Variants in NFATC2 observed in about 807,000 individuals in gnomAD.
NFATC2 encodes the protein nuclear factor of activated T cells 2, also known as nuclear factor of activated T-cells, cytoplasmic 2.
NFATC2 carries 22 observed loss-of-function variants against 87.3 expected under a neutral mutation model. The observed-to-expected ratio is 0.25, with a 90% CI of 0.18 to 0.36. The LOEUF (loss-of-function observed/expected upper bound fraction) is 0.36, where lower values mean the gene tolerates loss of function less well. NFATC2 is among the 10% of genes least tolerant of loss of function. The pLI, the probability that NFATC2 is intolerant of heterozygous loss-of-function variation, is 1.00. For synonymous variants in NFATC2, 565 were observed against 542.2 expected, an observed-to-expected ratio of 1.04 and a Z score of -0.58; for missense variants, 1,149 against 1,259.1, an observed-to-expected ratio of 0.91 and a Z score of 1.32.
chr20:51,471,463 T>C (rs1288112322), intron 5 of NFATC2, among the ~76,000 whole-genome samples: 2 of 152,216 alleles, frequency 1.3e-5, no homozygotes, highest in Non-Finnish European at 2.9e-5. Context: ...ATATTTCTAG[T>C]AATGGGGTTT....
intron 1 of NFATC2, among the ~76,000 whole-genome samples, chr20:51,549,174 A>G (rs747467684): frequency 6.6e-6 from 1 of 152,170 alleles, no homozygotes; most frequent in Non-Finnish European, 1.5e-5. Context: ...TCTCCAAAAC[A>G]AGGAGTGAGA....
At chr20:51,512,399 C>T (rs1301974331) in intron 3 of NFATC2, among the ~76,000 whole-genome samples, 3 of 152,158 alleles carry the variant, frequency 2.0e-5, no homozygotes, top group Non-Finnish European at 2.9e-5. Context: ...TCCACTTTCC[C>T]GCAGCCCCTG....
At chr20:51,420,296 C>A (rs566380245) in intron 9 of NFATC2, among the ~76,000 whole-genome samples, 3 of 152,186 alleles carry the variant, frequency 2.0e-5, no homozygotes, top group Non-Finnish European at 4.4e-5. Flanking sequence ...CTGACTATCA[C>A]CAAAAGACAG....
chr20:51,466,933 A>T (rs940771857), intron 5 of NFATC2, among the ~76,000 whole-genome samples: 1 of 151,930 alleles, frequency 6.6e-6, no homozygotes, highest in East Asian at 1.9e-4. Context: ...TTAGCTGGGC[A>T]TGGTGGCAGT....
intron 5 of NFATC2, among the ~76,000 whole-genome samples, chr20:51,472,342 A>C (rs893296631): frequency 6.6e-6 from 1 of 152,204 alleles, no homozygotes; most frequent in African/African-American, 2.4e-5. Context: ...GAGTAGCAGC[A>C]GCGCATTTAG....
intron 3 of NFATC2, among the ~76,000 whole-genome samples, chr20:51,479,519 C>T (rs1204402475): frequency 1.3e-5 from 2 of 152,164 alleles, no homozygotes; most frequent in Non-Finnish European, 2.9e-5. Flanking sequence ...CTTTGTGGGG[C>T]TGAAGCGAGA....
intron 9 of NFATC2, among the ~76,000 whole-genome samples, chr20:51,431,421 TCA>T (rs368717389): frequency 1.3e-5 from 2 of 152,116 alleles, no homozygotes; most frequent in Non-Finnish European, 2.9e-5. Flanking sequence ...ACCTACAGAC[TCA>T]CACAAAGCCT....
Position 51,454,575 on chromosome 20 carries a change from T to C in NFATC2, c.1822A>G (p.Lys608Glu). The C allele has an allele frequency of 6.2e-7, 1 of 1,614,102 alleles. No individual in the cohort carries two copies. Among genetic ancestry groups the C allele is most frequent in the Non-Finnish European group, 8.5e-7 (1 of 1,180,024 alleles). The change falls in exon 6 of 11, where the codon AAA (lysine) becomes GAA (glutamate). Residue 608 changes from lysine (K) to glutamate (E), a missense_variant. Lys to Glu is a moderately conservative substitution (Grantham distance 56). Coordinates refer to ENST00000371564, the MANE Select transcript of NFATC2 (RefSeq NM_012340.5). Reference sequence around the variant, plus strand: ...GTGGTCTTCTCAGTAAACACAACTTTGGACTCGGATGTAAAGTTCTGCCCC... The same window carrying C: ...GTGGTCTTCTCAGTAAACACAACTTCGGACTCGGATGTAAAGTTCTGCCCC... ...LTGQNFTSES[K>E]VVFTEKTTDG...
At chr20:51,534,537 G>A (rs1273933571) in intron 1 of NFATC2, among the ~76,000 whole-genome samples, 1 of 152,156 alleles carries the variant, frequency 6.6e-6, no homozygotes, top group Non-Finnish European at 1.5e-5. Context: ...ATTTCACCAT[G>A]TTGCCCAGGC....
At chr20:51,401,909 C>CAAAT (rs1331900741) in intron 9 of NFATC2, among the ~76,000 whole-genome samples, 5 of 152,164 alleles carry the variant, frequency 3.3e-5, no homozygotes, top group Non-Finnish European at 2.9e-5. Context: ...GTCTCCTTGA[C>CAAAT]AAATATACAA....
In NFATC2 at chr20:51,542,670, C is replaced by A. The variant is rs1187283256; in HGVS notation, c.-171G>T. 6 of 1,110,362 alleles carry A rather than the reference C, an allele frequency of 5.4e-6. No individual in the cohort carries two copies. In the East Asian group the frequency reaches 2.9e-4, roughly 54 times the overall value. The allele number at this position is 1,110,362 out of a possible 1,614,324, so 68.8% of individuals were successfully genotyped here. On this transcript the variant is annotated 5_prime_UTR_variant, in exon 1 of 11. Coordinates refer to ENST00000371564, the MANE Select transcript of NFATC2 (RefSeq NM_012340.5). ...CGCCTGGCGCAGCGGGTCCTGGACG[C>A]GCCCGGGGAAGCTGAGCGGCGGCGG...
intron 10 of NFATC2, 149 bp downstream of exon 10, chr20:51,398,494 G>A (rs1295668604): frequency 3.6e-6 from 2 of 561,522 alleles, no homozygotes; most frequent in South Asian, 4.6e-5. Flanking sequence ...CTTCAGGAGT[G>A]GAGGGGTCTA....
In NFATC2 at chr20:51,454,671, C is replaced by T. The variant is rs770800739; in HGVS notation, c.1726G>A (p.Glu576Lys). Reference protein sequence around the residue: ...PIECSQRSAHELPMVERQDTD... With the variant: ...PIECSQRSAHKLPMVERQDTD... ...TCTTGTCTTTCAACCATGGGCAGCT[C>T]GTGAGCAGATCGCTGGGCTGCAGGC... Residue 576 changes from glutamate (E) to lysine (K), a missense_variant, in exon 6 of 11, where the codon GAG becomes AAG. By Grantham distance (56) the Glu-to-Lys change is moderately conservative. Transcript: ENST00000371564. 7 of 1,613,794 alleles carry T rather than the reference C, an allele frequency of 4.3e-6. No homozygotes were observed. Among genetic ancestry groups the T allele is most frequent in the African/African-American group, 1.3e-5 (1 of 74,878 alleles).
chr20:51,479,570 C>T (rs1989052307), intron 3 of NFATC2, among the ~76,000 whole-genome samples: 1 of 152,236 alleles, frequency 6.6e-6, no homozygotes. Flanking sequence ...CAGTGAGCCA[C>T]AATCGTGCCA....
chr20:51,481,606 C>T (rs564768866), intron 3 of NFATC2, among the ~76,000 whole-genome samples: 146 of 152,156 alleles, frequency 9.6e-4, no homozygotes, highest in Non-Finnish European at 1.6e-3. Context: ...AGGGGAGTGT[C>T]TGTGGCGTCT....
At chr20:51,501,328 G>A (rs1301421318) in intron 3 of NFATC2, among the ~76,000 whole-genome samples, 3 of 152,176 alleles carry the variant, frequency 2.0e-5, no homozygotes, top group Non-Finnish European at 4.4e-5. Flanking sequence ...ATGAGTTGGG[G>A]ACCTCTATCT....
At chr20:51,483,340 C>A (rs1253057212) in intron 3 of NFATC2, among the ~76,000 whole-genome samples, 1 of 96,436 alleles carries the variant, frequency 1.0e-5, no homozygotes, top group Non-Finnish European at 2.1e-5. Context: ...AAAACATTAA[C>A]GATGTTAAGT....
chr20:51,410,995 G>C (rs1979140719), intron 9 of NFATC2, among the ~76,000 whole-genome samples: 2 of 152,192 alleles, frequency 1.3e-5, no homozygotes, highest in Admixed American at 1.3e-4. Flanking sequence ...AGTGGTGATG[G>C]TGATAATGAT....
At chr20:51,412,394 A>G (rs1368892689) in intron 9 of NFATC2, among the ~76,000 whole-genome samples, 1 of 152,226 alleles carries the variant, frequency 6.6e-6, no homozygotes, top group Non-Finnish European at 1.5e-5. Flanking sequence ...TAATAGGAAC[A>G]GAACAGGAAA....
Sources: gnomAD v4.1 joint callset for allele counts (sites outside exome capture counted in the v4.1 genomes callset) on GRCh38, gnomAD v4.1.1 for gene constraint, MANE v1.5 for transcripts, NCBI Gene and HGNC (gene_info 2026-07-23, HGNC 2026-07-21) for gene names.